The following ROBO2 variants were observed in gnomAD, a reference collection of about 807,000 sequenced individuals.
The protein encoded by ROBO2 is roundabout guidance receptor 2.
Under a neutral mutation model 160.8 loss-of-function variants are expected in ROBO2, and 53 were observed. That is an observed-to-expected ratio of 0.33 (90% CI 0.26 to 0.41). The LOEUF (loss-of-function observed/expected upper bound fraction) is 0.41, where lower values mean the gene tolerates loss of function less well. Among genes scored for constraint, ROBO2 ranks in the 10% least tolerant of loss-of-function variants. The probability of loss-of-function intolerance (pLI) is 1.00; values close to 1 mark genes in which losing one functional copy is unlikely to be tolerated. For synonymous variants in ROBO2, 664 were observed against 611.7 expected (o/e 1.09, Z -1.26); for missense variants, 1,577 against 1,722.4 (o/e 0.92, Z 1.49).
chr3:76,465,342 A>G (rs1307460917), intron 2 of ROBO2, among the ~76,000 whole-genome samples: 2 of 152,084 alleles, frequency 1.3e-5, no homozygotes, highest in African/African-American at 2.4e-5. Context: ...CCAATTATAG[A>G]AGAAATATTG....
At chr3:75,919,263 T>C (rs1946930805) in intron 1 of ROBO2, among the ~76,000 whole-genome samples, 1 of 152,214 alleles carries the variant, frequency 6.6e-6, no homozygotes, top group Non-Finnish European at 1.5e-5. Flanking sequence ...TTGAATTTTA[T>C]TGAAGGCCTT....
chr3:77,216,524 T>C (rs1225656836), intron 2 of ROBO2, among the ~76,000 whole-genome samples: 1 of 152,232 alleles, frequency 6.6e-6, no homozygotes, highest in Non-Finnish European at 1.5e-5. Context: ...TTGTGCTTCC[T>C]GGGTGAGGCG....
At chr3:77,412,917 A>T (rs545589150) in intron 2 of ROBO2, among the ~76,000 whole-genome samples, 3 of 152,204 alleles carry the variant, frequency 2.0e-5, no homozygotes, top group South Asian at 2.1e-4. Context: ...CATTTATTTT[A>T]AAAAAATACT....
At chr3:76,862,098 A>G (rs2070843880) in intron 2 of ROBO2, among the ~76,000 whole-genome samples, 1 of 152,070 alleles carries the variant, frequency 6.6e-6, no homozygotes, top group Non-Finnish European at 1.5e-5. Context: ...AAGGAAAGAA[A>G]GAAGGAAGGA....
rs77114330 is a variant in ROBO2 at position 76,893,067 on chromosome 3, C to T, written c.110-204947C>T. 1.5e-3 allele frequency among the ~76,000 whole-genome samples: 223 copies of T among 152,206 alleles called. 3 individuals carry two copies. The highest frequency in any genetic ancestry group is 5.0e-3 in the African/African-American group (209 of 41,544). ...CTCCTCCAATTGGAACCCTGGATTC[C>T]ATCCCATAGCCTAGAATAATTGCCA... On this transcript the variant is annotated intron_variant, in intron 2 of 26. Transcript: ENST00000487694.
intron 2 of ROBO2, among the ~76,000 whole-genome samples, chr3:76,008,566 C>G (rs1163284908): frequency 6.6e-6 from 1 of 152,162 alleles, no homozygotes; most frequent in East Asian, 1.9e-4. Flanking sequence ...ATTTGGAGCA[C>G]CAAACTTGCC....
intron 2 of ROBO2, among the ~76,000 whole-genome samples, chr3:76,448,985 A>AC (rs1325846960): frequency 2.9e-5 from 1 of 34,736 alleles, no homozygotes; most frequent in Non-Finnish European, 4.9e-5. Flanking sequence ...ACATTCTTAC[A>AC]AAGCAATTTT....
chr3:77,368,944 C>A (rs906869659), intron 2 of ROBO2, among the ~76,000 whole-genome samples: 1 of 152,098 alleles, frequency 6.6e-6, no homozygotes, highest in East Asian at 1.9e-4. Context: ...TTAATTAATT[C>A]GAAAATTATG....
intron 5 of ROBO2, among the ~76,000 whole-genome samples, chr3:77,495,303 G>T (rs1432200953): frequency 6.6e-6 from 1 of 152,104 alleles, no homozygotes; most frequent in Non-Finnish European, 1.5e-5. Flanking sequence ...AGTTACAAAA[G>T]TTAGTAACAG....
chr3:76,330,852 G>C (rs894412695), intron 2 of ROBO2, among the ~76,000 whole-genome samples: 7 of 152,196 alleles, frequency 4.6e-5, no homozygotes, highest in Non-Finnish European at 1.0e-4. Flanking sequence ...CAGTTGATGA[G>C]GAACATTTGT....
intron 2 of ROBO2, among the ~76,000 whole-genome samples, chr3:76,524,228 T>C (rs2081804762): frequency 6.6e-6 from 1 of 152,052 alleles, no homozygotes; most frequent in South Asian, 2.1e-4. Flanking sequence ...GATCTACATA[T>C]ATTATAAAAA....
At chr3:76,357,255 C>T (rs867636157) in intron 2 of ROBO2, among the ~76,000 whole-genome samples, 1 of 151,914 alleles carries the variant, frequency 6.6e-6, no homozygotes, top group Non-Finnish European at 1.5e-5. Flanking sequence ...AAACCAAATA[C>T]TGCATGTTCT....
At chr3:77,243,923 C>T (rs2089381312) in intron 2 of ROBO2, among the ~76,000 whole-genome samples, 1 of 152,170 alleles carries the variant, frequency 6.6e-6, no homozygotes. Context: ...CTCAAAGCTC[C>T]TTATAGACAA....
At chr3:77,079,510 A>G (rs2068398723) in intron 1 of ROBO2, among the ~76,000 whole-genome samples, 1 of 152,188 alleles carries the variant, frequency 6.6e-6, no homozygotes, top group Non-Finnish European at 1.5e-5. Flanking sequence ...CGAATTTGAG[A>G]AAAACCCCAC....
intron 20 of ROBO2, among the ~76,000 whole-genome samples, 170 bp downstream of exon 21, chr3:77,602,661 G>GCCACCACCACCACCA (rs879356392): frequency 1.6e-5 from 2 of 128,242 alleles, no homozygotes; most frequent in Non-Finnish European, 3.3e-5. Context: ...CACCACCACC[G>GCCACCACCACCACCA]CCACCACCAC....
intron 2 of ROBO2, among the ~76,000 whole-genome samples, chr3:77,193,336 A>T (rs2082036957): frequency 6.6e-6 from 1 of 151,966 alleles, no homozygotes; most frequent in Admixed American, 6.6e-5. Context: ...GTTGTAGTGC[A>T]GTGGCTCTAT....
intron 2 of ROBO2, among the ~76,000 whole-genome samples, chr3:76,103,034 A>G (rs1211747361): frequency 6.6e-6 from 1 of 152,030 alleles, no homozygotes; most frequent in Non-Finnish European, 1.5e-5. Flanking sequence ...CATGTTAGCC[A>G]GGATGGTCTC....
At chr3:77,276,514 A>G (rs2059838234) in intron 2 of ROBO2, among the ~76,000 whole-genome samples, 1 of 152,160 alleles carries the variant, frequency 6.6e-6, no homozygotes, top group Non-Finnish European at 1.5e-5. Context: ...CACTCTAGTC[A>G]GGTAGGACAC....
At chr3:76,875,987 T>C (rs1196553748) in intron 2 of ROBO2, among the ~76,000 whole-genome samples, 1 of 151,986 alleles carries the variant, frequency 6.6e-6, no homozygotes, top group South Asian at 2.1e-4. Context: ...TATGATTACA[T>C]TGGGCCCACC....
Sources: gnomAD v4.1 joint callset for allele counts (sites outside exome capture counted in the v4.1 genomes callset) on GRCh38, gnomAD v4.1.1 for gene constraint, MANE v1.5 for transcripts, NCBI Gene and HGNC (gene_info 2026-07-23, HGNC 2026-07-21) for gene names.